The following ELMO2 variants were observed in gnomAD, a reference collection of about 807,000 sequenced individuals.
ELMO2 encodes engulfment and cell motility protein 2.
A neutral mutation model predicts 96.2 loss-of-function variants in ELMO2; 37 were observed. The observed-to-expected ratio is 0.38, with a 90% CI of 0.30 to 0.51. The LOEUF is 0.51. Ranked by LOEUF, ELMO2 falls within the 20% of genes least tolerant of loss-of-function variation. ELMO2 has a pLI of 0.88. For synonymous variants in ELMO2, 315 were observed against 329.4 expected (o/e 0.96, Z 0.47); for missense variants, 561 against 912.6 (o/e 0.61, Z 4.96).
chr20:46,372,198 G>T (rs1344514684), intron 16 of ELMO2, among the ~76,000 whole-genome samples: 3 of 152,200 alleles, frequency 2.0e-5, no homozygotes, highest in Non-Finnish European at 4.4e-5. Context: ...TGGTGTGGGG[G>T]AAATGAGCAT....
In ELMO2 at chr20:46,374,419, G is replaced by A. The variant is rs769240700; in HGVS notation, c.1192C>T (p.Arg398Trp). The change falls in exon 15 of 22, where the codon CGG (arginine) becomes TGG (tryptophan). Residue 398 changes from arginine (R) to tryptophan (W), a missense_variant. Transcript: ENST00000290246. ...YIRIVLENSS[R>W]EDKHECPFGR... ...AAGGGGCATTCATGTTTGTCTTCCCGGCTACTGTTCTCCAAGACAATCTGT... is the reference window on the plus strand; with the variant it reads ...AAGGGGCATTCATGTTTGTCTTCCCAGCTACTGTTCTCCAAGACAATCTGT... 4 of 1,613,966 alleles carry A rather than the reference G, an allele frequency of 2.5e-6. No individual in the cohort carries two copies. The highest frequency in any genetic ancestry group is 3.4e-6 in the Non-Finnish European group (4 of 1,180,032).
chr20:46,367,183 C>T lies in ELMO2; in HGVS notation c.*177G>A, dbSNP rs2059600145. ...CCCTGCCTTCATGACTCTTAGTAGACAGGGACCAAGAGGAAACTCTGGGTG... is the reference window on the plus strand; with the variant it reads ...CCCTGCCTTCATGACTCTTAGTAGATAGGGACCAAGAGGAAACTCTGGGTG... On this transcript the variant is annotated 3_prime_UTR_variant, in exon 22 of 22. Transcript: ENST00000290246. 3.6e-6 allele frequency: 2 copies of T among 557,422 alleles called. No individual in the cohort carries two copies. The highest frequency in any genetic ancestry group is 3.9e-5 in the Admixed American group (1 of 25,840). The allele number at this position is 557,422 out of a possible 1,614,324, so 34.5% of individuals were successfully genotyped here. A position where few individuals can be genotyped will look rare whatever the true frequency, so the allele number is the denominator to read the frequency against.
chr20:46,372,761 T>C (rs907435558), intron 16 of ELMO2: 1 of 152,278 alleles, frequency 6.6e-6, no homozygotes, highest in Non-Finnish European at 1.5e-5. Flanking sequence ...ATGCGCAGTA[T>C]GATCTTGCTA....
chr20:46,370,597 A>AGG (rs529814495), intron 19 of ELMO2, 72 bp from the exon 20 acceptor site: 33 of 1,433,408 alleles, frequency 2.3e-5, no homozygotes, highest in Non-Finnish European at 2.4e-5. Flanking sequence ...CAGTGCTGGA[A>AGG]GGGAGGTACT....
At position 46,367,396 on chromosome 20, in the gene ELMO2, C is replaced by T. The variant is rs1456343092; in HGVS notation, c.2127G>A (p.Glu709=). Residue 709 remains glutamate (E), a synonymous_variant, in exon 22 of 22, where the codon GAG becomes GAA. Coordinates refer to ENST00000290246, the MANE Select transcript of ELMO2 (RefSeq NM_133171.5). The part of the protein sequence containing the change: ...IPEAPPPIPK[E]PSSYDFVYHY... ...GATAGACAAAGTCATAGCTGCTGGG[C>T]TCCTTGGGGATGGGGGGTGGGGCTT... 1 of 1,603,346 alleles carries T rather than the reference C, an allele frequency of 6.2e-7. No individual in the cohort carries two copies.
chr20:46,386,875 G>A (rs1274074555), intron 8 of ELMO2, among the ~76,000 whole-genome samples: 1 of 152,172 alleles, frequency 6.6e-6, no homozygotes, highest in Non-Finnish European at 1.5e-5. Flanking sequence ...TAAAAGAAAG[G>A]AGGGTAAAAC....
At position 46,388,155 on chromosome 20, in the gene ELMO2, T is replaced by C. The variant is rs538586189; in HGVS notation, c.426-718A>G. 3.3e-5 allele frequency among the ~76,000 whole-genome samples: 5 copies of C among 152,324 alleles called. No homozygotes were observed. In the East Asian group the frequency reaches 9.6e-4, roughly 29 times the overall value. ...TCATTAACAATACTTCTCACAATAA[T>C]ACTGCAAGGTAGCTATTATTATCCT... is the stretch of plus-strand genomic sequence containing the variant. On this transcript the variant is annotated intron_variant, in intron 7 of 21. Coordinates refer to ENST00000290246, the MANE Select transcript of ELMO2 (RefSeq NM_133171.5).
chr20:46,394,045 C>T lies in ELMO2; in HGVS notation c.119+4G>A. 2 of 1,614,014 alleles carry T rather than the reference C, an allele frequency of 1.2e-6. No individual in the cohort carries two copies. The highest frequency in any genetic ancestry group is 2.2e-5 in the East Asian group (1 of 44,872). On this transcript the variant is annotated splice_donor_region_variant and intron_variant, in intron 4 of 21. Coordinates refer to ENST00000290246, the MANE Select transcript of ELMO2 (RefSeq NM_133171.5). The stretch of plus-strand genomic sequence containing the variant: ...TGTTGAAAACGAGGTCCATTTCAAC[C>T]TACCCATCACAAACTTCCTTGATAA...
chr20:46,393,865 A>G (rs528640777), intron 4 of ELMO2, 184 bp downstream of exon 4: 167 of 857,642 alleles, frequency 1.9e-4, no homozygotes, highest in Non-Finnish European at 2.8e-4. Context: ...GAAAAAATTA[A>G]GAAGTATAAA....
At position 46,367,219 on chromosome 20, in the gene ELMO2, G is replaced by T; in HGVS notation, c.*141C>A. 1.3e-6 allele frequency: 1 copy of T among 778,508 alleles called. No individual in the cohort carries two copies. The highest frequency in any genetic ancestry group is 1.9e-6 in the Non-Finnish European group (1 of 522,992). The allele number at this position is 778,508 out of a possible 1,614,324, so 48.2% of individuals were successfully genotyped here. On this transcript the variant is annotated 3_prime_UTR_variant, in exon 22 of 22. Coordinates refer to ENST00000290246, the MANE Select transcript of ELMO2 (RefSeq NM_133171.5). ...AGGAAACTCTGGGTGGTCCGAGGTG[G>T]GTTTGAGAAATGGCTGGCATTTACT... is the stretch of plus-strand genomic sequence containing the variant.
At chr20:46,380,168 T>G in intron 11 of ELMO2, 85 bp downstream of exon 11, 2 of 1,198,742 alleles carry the variant, frequency 1.7e-6, no homozygotes, top group Admixed American at 1.8e-5. Context: ...CCTCACTCAT[T>G]AATAATTTCA....
rs1222752854 is a variant in ELMO2, at chr20:46,398,747, A to C, written c.-101T>G. The C allele has an allele frequency of 6.6e-6, 1 of 152,176 alleles. No individual in the cohort carries two copies. The highest frequency in any genetic ancestry group is 6.5e-5 in the Admixed American group (1 of 15,278). 9.4% of individuals were successfully genotyped at this position (152,176 alleles called of 1,614,324 possible). ...AGACGGATTGACAAACTTGTTCTCC[A>C]TGTACCTCTTTCTACACCTCCCTCC... On this transcript the variant is annotated 5_prime_UTR_variant, in exon 2 of 22. It removes an upstream start codon present in the reference 5' UTR. Transcript: ENST00000290246.
chr20:46,376,517 T>A (rs1406192312), intron 11 of ELMO2, among the ~76,000 whole-genome samples: 1 of 152,142 alleles, frequency 6.6e-6, no homozygotes, highest in East Asian at 1.9e-4. Context: ...ACACCCCACT[T>A]TAGGTCCCCT....
rs564047820 is a variant in ELMO2 at position 46,401,661 on chromosome 20, G to A, written c.-125-2890C>T. ...TGTGGTGGAACTGGCTTTCAGATTC[G>A]CTTTTGCAGATGCCATGTTCTCACC... On this transcript the variant is annotated intron_variant, in intron 1 of 21. Transcript: ENST00000290246. 2.6e-5 allele frequency among the ~76,000 whole-genome samples: 4 copies of A among 152,220 alleles called. No individual in the cohort carries two copies. In the South Asian group the frequency reaches 6.2e-4, roughly 24 times the overall value.
At chr20:46,372,575 G>A (rs2059745165) in intron 16 of ELMO2, among the ~76,000 whole-genome samples, 1 of 152,200 alleles carries the variant, frequency 6.6e-6, no homozygotes, top group African/African-American at 2.4e-5. Context: ...AGGTTGCAGT[G>A]AGCCGAGACA....
chr20:46,375,294 C>T lies in ELMO2; in HGVS notation c.1007G>A (p.Ser336Asn), dbSNP rs1834417043. 1.2e-6 allele frequency: 2 copies of T among 1,614,100 alleles called. No homozygotes were observed. Among genetic ancestry groups the T allele is most frequent in the Admixed American group, 3.3e-5 (2 of 60,010 alleles). Residue 336 changes from serine to asparagine, a missense_variant, in exon 13 of 22, where the codon AGT becomes AAT. Physicochemically the swap from Ser to Asn is conservative, Grantham distance 46. Transcript: ENST00000290246. The surrounding 1 kb of genome is among the most constrained non-coding windows in gnomAD (Gnocchi z 4.6). ...CATGGCTTTGCGTTTTTCGGTCCCA[C>T]TCCCAGGGGCATTGCTAGGATCAGA... Reference protein sequence around the residue: ...AESDPSNAPGSGTEKRKAMYT... With the variant: ...AESDPSNAPGNGTEKRKAMYT...
intron 16 of ELMO2, 87 bp from the exon 17 acceptor site, chr20:46,372,056 C>T: frequency 6.4e-7 from 1 of 1,560,424 alleles, no homozygotes; most frequent in Non-Finnish European, 8.7e-7. Flanking sequence ...TCTTTCCTGC[C>T]CCAGGGTCTT....
chr20:46,392,061 TGTGA>T (rs1384818246), intron 6 of ELMO2, among the ~76,000 whole-genome samples: 1 of 152,196 alleles, frequency 6.6e-6, no homozygotes, highest in Non-Finnish European at 1.5e-5. Flanking sequence ...ATAACTTTTT[TGTGA>T]GTATCACCAG....
At chr20:46,387,588 A>G in intron 7 of ELMO2, 151 bp from the exon 8 acceptor site, 1 of 510,662 alleles carries the variant, frequency 2.0e-6, no homozygotes, top group Admixed American at 3.2e-5. Flanking sequence ...CTGTGTGCAC[A>G]CCTAGCCAGT....
Sources: allele counts gnomAD v4.1 joint callset (sites outside exome capture counted in the v4.1 genomes callset), GRCh38; gene constraint gnomAD v4.1.1; non-coding constraint Gnocchi (gnomAD v3.1); transcripts MANE v1.5; gene names NCBI Gene and HGNC (gene_info 2026-07-23, HGNC 2026-07-21).